Variants in SETBP1 observed in about 807,000 individuals in gnomAD.
The protein encoded by SETBP1 is SET binding protein 1, also known as SET-binding protein.
Under a neutral mutation model 101.0 loss-of-function variants are expected in SETBP1, and 9 were observed. The ratio of observed to expected loss-of-function variants is 0.09; its 90% CI spans 0.05 to 0.16. The LOEUF (loss-of-function observed/expected upper bound fraction) is 0.16. Ranked by LOEUF, SETBP1 falls within the 10% of genes least tolerant of loss-of-function variation. SETBP1 has a pLI of 1.00. For synonymous variants in SETBP1, 818 were observed against 788.5 expected (o/e 1.04, Z -0.63); for missense variants, 1,858 against 2,033.8 (o/e 0.91, Z 1.66).
intron 2 of SETBP1, among the ~76,000 whole-genome samples, chr18:44,709,907 A>G (rs2069302524): frequency 7.6e-6 from 1 of 132,288 alleles, no homozygotes; most frequent in African/African-American, 2.9e-5. Context: ...GTGGTCATTT[A>G]TCTGCCAAAC....
chr18:44,745,037 C>T (rs1341913784), intron 2 of SETBP1, among the ~76,000 whole-genome samples: 1 of 152,076 alleles, frequency 6.6e-6, no homozygotes, highest in African/African-American at 2.4e-5. Context: ...GTGGGGGCCT[C>T]ATTGAGCCCA....
chr18:44,709,895 C>G (rs2069302261), intron 2 of SETBP1, among the ~76,000 whole-genome samples: 1 of 141,024 alleles, frequency 7.1e-6, no homozygotes, highest in East Asian at 2.1e-4. Context: ...TCTTTTATCT[C>G]TGTGGTCATT....
chr18:44,806,623 C>CTTTTTT lies in SETBP1; in HGVS notation c.487-62571_487-62566dup, dbSNP rs71177656. On this transcript the variant is annotated intron_variant, in intron 2 of 5. Coordinates refer to ENST00000649279, the MANE Select transcript of SETBP1 (RefSeq NM_015559.3). The stretch of plus-strand genomic sequence containing the variant: ...GTAGACTTTGGCTCATAATGAGCTC[C>CTTTTTT]TTTTTTTTTTTTTTTTTTTTTTTTT... 1.4e-3 allele frequency among the ~76,000 whole-genome samples: 39 copies of CTTTTTT among 27,822 alleles called. 6 individuals are homozygous for CTTTTTT. Among genetic ancestry groups the CTTTTTT allele is most frequent in the Non-Finnish European group, 1.6e-3 (22 of 13,672 alleles). The allele number at this position is 27,822 out of a possible 152,430, so 18.3% of individuals were successfully genotyped here.
chr18:44,928,348 GT>G (rs1319594757), intron 3 of SETBP1, among the ~76,000 whole-genome samples: 2 of 152,208 alleles, frequency 1.3e-5, no homozygotes, highest in African/African-American at 4.8e-5. Context: ...ATTTGGGTTG[GT>G]TCCAAGTCTT....
intron 3 of SETBP1, among the ~76,000 whole-genome samples, chr18:44,888,703 A>T (rs2069703803): frequency 6.6e-6 from 1 of 152,088 alleles, no homozygotes; most frequent in South Asian, 2.1e-4. Flanking sequence ...AATAACATTG[A>T]TGCTACTGAC....
chr18:45,007,732 G>A (rs968589801), intron 4 of SETBP1, among the ~76,000 whole-genome samples: 6 of 152,152 alleles, frequency 3.9e-5, no homozygotes, highest in Non-Finnish European at 7.3e-5. Context: ...CTTCAGAATT[G>A]AGTCAGCTGG....
intron 3 of SETBP1, chr18:44,876,419 G>A (rs775922490): frequency 3.4e-5 from 21 of 610,686 alleles, no homozygotes; most frequent in Non-Finnish European, 5.7e-5. Context: ...AGCCTTGGCT[G>A]CAGACAGGAA....
intron 3 of SETBP1, among the ~76,000 whole-genome samples, chr18:44,917,613 T>A (rs181724657): frequency 1.6e-3 from 244 of 152,234 alleles, no homozygotes; most frequent in African/African-American, 4.6e-3. Flanking sequence ...CTCTGATGCC[T>A]CCCCATCCAC....
intron 5 of SETBP1, among the ~76,000 whole-genome samples, chr18:45,060,744 GTTTA>G (rs763434667): frequency 2.6e-5 from 4 of 152,028 alleles, no homozygotes; most frequent in East Asian, 1.9e-4. Context: ...CTAGGTTTCT[GTTTA>G]TTTATTTTGG....
chr18:44,772,063 T>G (rs1229991989), intron 2 of SETBP1, among the ~76,000 whole-genome samples: 1 of 152,226 alleles, frequency 6.6e-6, no homozygotes, highest in Non-Finnish European at 1.5e-5. Context: ...ACATTTGTTT[T>G]GACCTTTAAA....
At chr18:44,733,624 T>C (rs1479372045) in intron 2 of SETBP1, among the ~76,000 whole-genome samples, 1 of 152,178 alleles carries the variant, frequency 6.6e-6, no homozygotes, top group African/African-American at 2.4e-5. Context: ...AATAAACCAC[T>C]ACGTGGCTGA....
At chr18:44,886,318 T>A (rs1469185701) in intron 3 of SETBP1, among the ~76,000 whole-genome samples, 1 of 152,122 alleles carries the variant, frequency 6.6e-6, no homozygotes, top group Non-Finnish European at 1.5e-5. Flanking sequence ...CTCCAGAGGC[T>A]ATGAGAAGTA....
chr18:44,721,628 C>T (rs533653667), intron 2 of SETBP1, among the ~76,000 whole-genome samples: 6 of 106,324 alleles, frequency 5.6e-5, no homozygotes, highest in East Asian at 5.1e-4. Context: ...GGGTCGGGGG[C>T]GGGGGAGAAG....
intron 2 of SETBP1, among the ~76,000 whole-genome samples, chr18:44,772,538 G>T (rs538373057): frequency 1.4e-4 from 22 of 152,210 alleles, no homozygotes; most frequent in Admixed American, 1.3e-3. Flanking sequence ...GATCCTGGGG[G>T]TATTTTCATA....
At chr18:44,981,658 C>G (rs2072115661) in intron 4 of SETBP1, among the ~76,000 whole-genome samples, 1 of 152,174 alleles carries the variant, frequency 6.6e-6, no homozygotes, top group Admixed American at 6.5e-5. Flanking sequence ...GCTGCCTTGC[C>G]CACATTTACC....
chr18:44,794,311 C>T (rs972434265), intron 2 of SETBP1, among the ~76,000 whole-genome samples: 5 of 152,114 alleles, frequency 3.3e-5, no homozygotes, highest in Non-Finnish European at 7.4e-5. Context: ...TTTTGATGCA[C>T]TAAGAGATCA....
At chr18:44,790,667 A>C (rs1216894002) in intron 2 of SETBP1, among the ~76,000 whole-genome samples, 1 of 152,162 alleles carries the variant, frequency 6.6e-6, no homozygotes, top group Non-Finnish European at 1.5e-5. Flanking sequence ...ATGCATGGGG[A>C]ACTTTTTGAA....
At chr18:44,961,610 A>G (rs1436939992) in intron 4 of SETBP1, among the ~76,000 whole-genome samples, 1 of 152,226 alleles carries the variant, frequency 6.6e-6, no homozygotes, top group African/African-American at 2.4e-5. Flanking sequence ...CTAGGAGCAG[A>G]AACACAATGC....
intron 2 of SETBP1, among the ~76,000 whole-genome samples, chr18:44,840,351 C>T (rs577989459): frequency 2.6e-5 from 4 of 152,310 alleles, no homozygotes; most frequent in African/African-American, 7.2e-5. Context: ...AGTGACATGG[C>T]GCTACCTCTG....
Sources: gnomAD v4.1 joint callset for allele counts (sites outside exome capture counted in the v4.1 genomes callset) on GRCh38, gnomAD v4.1.1 for gene constraint, MANE v1.5 for transcripts, NCBI Gene and HGNC (gene_info 2026-07-23, HGNC 2026-07-21) for gene names.